NEGR1: variants seen among roughly 807,000 people sequenced by gnomAD.
NEGR1 encodes the protein IgLON family member 4.
In NEGR1, 10 loss-of-function variants were observed where a neutral mutation model predicts 40.9. The ratio of observed to expected loss-of-function variants is 0.24; its 90% CI spans 0.15 to 0.42. NEGR1 has a LOEUF of 0.42. Ranked by LOEUF, NEGR1 falls within the 10% of genes least tolerant of loss-of-function variation. The probability of loss-of-function intolerance (pLI) is 1.00; values close to 1 mark genes in which losing one functional copy is unlikely to be tolerated. For missense variants in NEGR1, 352 were observed against 438.9 expected, an observed-to-expected ratio of 0.80 and a Z score of 1.77; for synonymous variants, 185 against 166.8, an observed-to-expected ratio of 1.11 and a Z score of -0.84.
chr1:71,455,944 T>C (rs1206840175), intron 6 of NEGR1, among the ~76,000 whole-genome samples: 1 of 152,222 alleles, frequency 6.6e-6, no homozygotes, highest in Admixed American at 6.5e-5. Flanking sequence ...TCCTTAGATA[T>C]GCCAGTTGGT....
chr1:71,729,948 T>C (rs557664937), intron 3 of NEGR1, among the ~76,000 whole-genome samples: 15 of 152,016 alleles, frequency 9.9e-5, no homozygotes, highest in Middle Eastern at 3.4e-3. Flanking sequence ...CAATAACTTA[T>C]GAGAGAGTCC....
intron 6 of NEGR1, among the ~76,000 whole-genome samples, chr1:71,448,950 C>T (rs1181446301): frequency 2.0e-5 from 3 of 152,132 alleles, no homozygotes; most frequent in African/African-American, 4.8e-5. Context: ...TTTGATGCCA[C>T]GTCTTTGTTA....
intron 1 of NEGR1, among the ~76,000 whole-genome samples, chr1:72,140,551 G>T (rs1439125874): frequency 2.6e-5 from 4 of 151,948 alleles, no homozygotes; most frequent in African/African-American, 7.2e-5. Flanking sequence ...CCTCTTAAGG[G>T]TCTCACTTCT....
chr1:72,085,115 T>A (rs1173717765), intron 1 of NEGR1, among the ~76,000 whole-genome samples: 1 of 152,188 alleles, frequency 6.6e-6, no homozygotes, highest in Non-Finnish European at 1.5e-5. Context: ...TCCAAGTGAT[T>A]ACACCAGATT....
chr1:72,254,208 C>A (rs1013681312), intron 1 of NEGR1, among the ~76,000 whole-genome samples: 2 of 152,144 alleles, frequency 1.3e-5, no homozygotes, highest in Non-Finnish European at 2.9e-5. Flanking sequence ...ACACTAATAT[C>A]TTTCGTAGGT....
intron 1 of NEGR1, among the ~76,000 whole-genome samples, chr1:71,947,898 T>A (rs1646035848): frequency 6.6e-6 from 1 of 152,206 alleles, no homozygotes; most frequent in African/African-American, 2.4e-5. Context: ...GTATTTGGTA[T>A]ATTTTTCTAA....
chr1:71,857,620 C>G (rs1391451804), intron 2 of NEGR1, among the ~76,000 whole-genome samples: 2 of 90,114 alleles, frequency 2.2e-5, no homozygotes, highest in Middle Eastern at 9.6e-3. Context: ...AAGTGAGATC[C>G]TGTCTCAAAA....
intron 1 of NEGR1, among the ~76,000 whole-genome samples, chr1:72,085,785 C>A (rs2100535141): frequency 6.6e-6 from 1 of 151,926 alleles, no homozygotes; most frequent in African/African-American, 2.4e-5. Flanking sequence ...GCCTGACCAA[C>A]ATGGAAAAAC....
intron 4 of NEGR1, among the ~76,000 whole-genome samples, chr1:71,688,378 A>G (rs1382796516): frequency 1.9e-4 from 4 of 20,764 alleles, no homozygotes; most frequent in African/African-American, 5.4e-4. Context: ...AGATATATAC[A>G]TAAAAGATAT....
intron 1 of NEGR1, among the ~76,000 whole-genome samples, chr1:72,110,751 G>A (rs561816584): frequency 1.5e-4 from 23 of 151,382 alleles, no homozygotes; most frequent in African/African-American, 4.8e-4. Context: ...AAAGAATCCT[G>A]CACACCTTGT....
intron 2 of NEGR1, among the ~76,000 whole-genome samples, chr1:71,872,410 C>A (rs892547056): frequency 3.9e-5 from 6 of 152,116 alleles, no homozygotes; most frequent in African/African-American, 1.4e-4. Context: ...ATTTCTGTGA[C>A]AAGCCAGTTA....
intron 1 of NEGR1, among the ~76,000 whole-genome samples, chr1:72,154,031 G>C (rs1219968597): frequency 1.3e-5 from 2 of 151,842 alleles, no homozygotes; most frequent in Non-Finnish European, 2.9e-5. Context: ...AAATAAAAGA[G>C]TGTTGAATGA....
chr1:71,737,285 G>C (rs959156826), intron 3 of NEGR1, among the ~76,000 whole-genome samples: 1 of 151,590 alleles, frequency 6.6e-6, no homozygotes, highest in Non-Finnish European at 1.5e-5. Context: ...ACAAATTCTG[G>C]TCTTGATTTC....
At chr1:71,459,850 A>ATAT (rs1395322540) in intron 6 of NEGR1, among the ~76,000 whole-genome samples, 3 of 152,196 alleles carry the variant, frequency 2.0e-5, no homozygotes, top group Non-Finnish European at 4.4e-5. Flanking sequence ...TATCCTTTGA[A>ATAT]TATTAGCTCA....
chr1:71,611,084 T>C lies in NEGR1; in HGVS notation c.730A>G (p.Arg244Gly). ...TVTPGRSGLI[R>G]CEGAGVPPPA... is the part of the protein sequence containing the mutation. ...GGCGGCACACCTGCACCTTCACATCTTATCAGGCCACTGCGTCCGGGGGTC... is the reference window on the plus strand; with the variant it reads ...GGCGGCACACCTGCACCTTCACATCCTATCAGGCCACTGCGTCCGGGGGTC... The change falls in exon 5 of 7, where the codon AGA becomes GGA. Residue 244 changes from arginine to glycine, a missense_variant. This residue lies in a region of NEGR1 where 184 missense variants were observed against 208.7 expected (regional missense o/e 0.88). Transcript: ENST00000357731. 1 of 1,614,004 alleles carries C rather than the reference T, an allele frequency of 6.2e-7. No homozygotes were observed. The highest frequency in any genetic ancestry group is 8.5e-7 in the Non-Finnish European group (1 of 1,179,908).
chr1:71,931,517 G>T (rs747550132), intron 2 of NEGR1, among the ~76,000 whole-genome samples: 8 of 152,062 alleles, frequency 5.3e-5, no homozygotes, highest in Non-Finnish European at 1.0e-4. Flanking sequence ...TTCCAAGAGC[G>T]TTTGTGCTGC....
intron 1 of NEGR1, among the ~76,000 whole-genome samples, chr1:72,036,749 T>G (rs1004373355): frequency 6.6e-6 from 1 of 151,986 alleles, no homozygotes; most frequent in Non-Finnish European, 1.5e-5. Flanking sequence ...TAAGAAGTTT[T>G]TACTGATCTT....
rs566615643 is a variant in NEGR1, at chr1:72,175,543, T to C, written c.176+106776A>G. Among the ~76,000 whole-genome samples the C allele has an allele frequency of 1.1e-3, 171 of 152,256 alleles. 1 individual carries two copies. The highest frequency in any genetic ancestry group is 4.0e-3 in the African/African-American group (168 of 41,568). ...AAATCTAAAATTGCTACTAGTGCAA[T>C]GACTACAATGGCATCACGATTGCAT... On this transcript the variant is annotated intron_variant, in intron 1 of 6. Coordinates refer to ENST00000357731, the MANE Select transcript of NEGR1 (RefSeq NM_173808.3).
At chr1:72,136,783 A>G (rs1190669368) in intron 1 of NEGR1, among the ~76,000 whole-genome samples, 1 of 152,164 alleles carries the variant, frequency 6.6e-6, no homozygotes, top group African/African-American at 2.4e-5. Context: ...TGCACAGCAA[A>G]AGAAACTATC....
Sources: allele counts gnomAD v4.1 joint callset (sites outside exome capture counted in the v4.1 genomes callset), GRCh38; gene constraint gnomAD v4.1.1; regional missense constraint gnomAD v4.1.1; transcripts MANE v1.5; gene names NCBI Gene and HGNC (gene_info 2026-07-23, HGNC 2026-07-21).